GABRR1: variants seen among roughly 807,000 people sequenced by gnomAD.
GABRR1 encodes gamma-aminobutyric acid type A receptor subunit rho1.
Under a neutral mutation model 55.5 loss-of-function variants are expected in GABRR1, and 59 were observed. That is an observed-to-expected ratio of 1.06 (90% CI 0.86 to 1.32). The LOEUF is 1.32. GABRR1 is among the 40% of genes most tolerant of loss of function. The probability of loss-of-function intolerance (pLI) is 0.00; values close to 1 mark genes in which losing one functional copy is unlikely to be tolerated. For synonymous variants in GABRR1, 213 were observed against 226.0 expected (o/e 0.94, Z 0.51); for missense variants, 602 against 619.1 (o/e 0.97, Z 0.29).
At chr6:89,196,040 T>C (rs1259039562) in intron 5 of GABRR1, among the ~76,000 whole-genome samples, 1 of 152,250 alleles carries the variant, frequency 6.6e-6, no homozygotes, top group Non-Finnish European at 1.5e-5. Context: ...TTGAAAGCTA[T>C]CATCCAATTC....
At chr6:89,211,171 C>G (rs988732278) in intron 1 of GABRR1, among the ~76,000 whole-genome samples, 1 of 152,002 alleles carries the variant, frequency 6.6e-6, no homozygotes, top group Non-Finnish European at 1.5e-5. Flanking sequence ...AGCAGAGGGA[C>G]AAGATGAAGA....
chr6:89,195,920 T>C (rs908375859), intron 5 of GABRR1, among the ~76,000 whole-genome samples: 1 of 152,196 alleles, frequency 6.6e-6, no homozygotes, highest in Non-Finnish European at 1.5e-5. Context: ...GGGCTTGATT[T>C]ATTGTTTTGT....
chr6:89,203,459 T>C lies in GABRR1; in HGVS notation c.149A>G (p.His50Arg), dbSNP rs1772544348. 3 of 1,613,624 alleles carry C rather than the reference T, an allele frequency of 1.9e-6. No homozygotes were observed. The highest frequency in any genetic ancestry group is 1.1e-5 in the South Asian group (1 of 91,072). Residue 50 changes from histidine to arginine, a missense_variant, in exon 2 of 10, where the codon CAT becomes CGT. His to Arg is a conservative substitution (Grantham distance 29). Transcript: ENST00000454853. Reference protein sequence around the residue: ...GRPQRQRREVHEDAHKQVSPI... With the variant: ...GRPQRQRREVREDAHKQVSPI... ...CCTGACTTGCTTGTGGGCATCTTCA[T>C]GTACTTCTCGTCTTTGTCTTTGGGG...
chr6:89,222,088 A>C (rs990935206), upstream of GABRR1, among the ~76,000 whole-genome samples: 13 of 152,162 alleles, frequency 8.5e-5, no homozygotes, highest in Non-Finnish European at 1.8e-4. Context: ...AGACATGAAA[A>C]GCAAGCAATT....
chr6:89,227,136 A>C lies in GABRR1; in HGVS notation c.-411+4080T>G, dbSNP rs929750963. ...ATTTTGTATCCTGAGACTTTGCTGA[A>C]GTTGCTTATCAGCTTAAGGAGGTTT... On this transcript the variant is annotated intron_variant, in intron 1 of 11. Coordinates refer to the GABRR1 transcript ENST00000369451. 5.3e-5 allele frequency among the ~76,000 whole-genome samples: 6 copies of C among 112,976 alleles called. No homozygotes were observed. In the South Asian group the frequency reaches 1.3e-3, roughly 24 times the overall value. The allele number at this position is 112,976 out of a possible 152,430, so 74.1% of individuals were successfully genotyped here. A position where few individuals can be genotyped will look rare whatever the true frequency, so the allele number is the denominator to read the frequency against.
intron 5 of GABRR1, 23 bp from the exon 6 acceptor site, chr6:89,190,270 G>A (rs758656915): frequency 1.3e-6 from 2 of 1,564,144 alleles, no homozygotes. Flanking sequence ...AGACAAAATT[G>A]ATTTATTCAG....
At chr6:89,217,516 T>G (rs1474345418), upstream of GABRR1, 6 of 502,942 alleles carry the variant, frequency 1.2e-5, no homozygotes, top group Non-Finnish European at 3.4e-6. Flanking sequence ...TCCTCCTACG[T>G]CAGATGTCAG....
chr6:89,189,378 G>A (rs888887705), intron 6 of GABRR1, among the ~76,000 whole-genome samples: 2 of 146,600 alleles, frequency 1.4e-5, no homozygotes, highest in African/African-American at 5.1e-5. Context: ...GGATGAAACT[G>A]GAAACCATCA....
At chr6:89,181,654 C>T (rs1481859934) in intron 8 of GABRR1, among the ~76,000 whole-genome samples, 1 of 152,104 alleles carries the variant, frequency 6.6e-6, no homozygotes, top group Non-Finnish European at 1.5e-5. Flanking sequence ...GCTCGCCCAC[C>T]CTGGAACACG....
chr6:89,187,083 C>T (rs1329389842), intron 6 of GABRR1, among the ~76,000 whole-genome samples: 2 of 152,144 alleles, frequency 1.3e-5, no homozygotes, highest in African/African-American at 4.8e-5. Context: ...GGGGTGTCCA[C>T]TGTGCTGTGG....
At chr6:89,231,020 G>A (rs552418110) in intron 1 of GABRR1, among the ~76,000 whole-genome samples, 1,935 of 151,940 alleles carry the variant, frequency 0.013, 34 homozygotes, top group African/African-American at 0.042. Flanking sequence ...GGAGTGACCC[G>A]ATTTTCCAGG....
In GABRR1 at chr6:89,198,223, G is replaced by T. The variant is rs764303147; in HGVS notation, c.369C>A (p.Tyr123Ter). The T allele has an allele frequency of 5.0e-6, 8 of 1,613,824 alleles. No individual in the cohort carries two copies. The East Asian group carries it at 1.8e-4, about 36-fold the overall frequency. Residue 123 changes from tyrosine to a stop codon, truncating the protein, a stop_gained, in exon 5 of 10, where the codon TAC becomes TAA. Coordinates refer to ENST00000454853, the MANE Select transcript of GABRR1 (RefSeq NM_002042.5). LOFTEE classifies it high-confidence loss of function. The stretch of plus-strand genomic sequence containing the variant: ...TCTCGTCCTTCCAGTAGTGCCTCAG[G>T]TAGAGGGTCATCGTAAAGTCCTGGG... ...EVDMDFTMTL[Y>*]LRHYWKDERL...
chr6:89,187,716 T>C lies in GABRR1; in HGVS notation c.656-2266A>G, dbSNP rs572291523. 7.2e-5 allele frequency among the ~76,000 whole-genome samples: 11 copies of C among 152,352 alleles called. No homozygotes were observed. In the South Asian group the frequency reaches 2.3e-3, roughly 32 times the overall value. On this transcript the variant is annotated intron_variant, in intron 6 of 9. Coordinates refer to ENST00000454853, the MANE Select transcript of GABRR1 (RefSeq NM_002042.5). ...TAAGTACCTCTTAAAAGTGACATCA[T>C]ACAGTATTTGTCTTTTGCGATTGGC...
At chr6:89,202,974 A>G (rs1449365635) in intron 2 of GABRR1, among the ~76,000 whole-genome samples, 1 of 152,178 alleles carries the variant, frequency 6.6e-6, no homozygotes, top group East Asian at 1.9e-4. Context: ...TAGGCCTCCC[A>G]AAGTGCTGGT....
At chr6:89,189,832 G>A (rs974975345) in intron 6 of GABRR1, among the ~76,000 whole-genome samples, 1 of 152,136 alleles carries the variant, frequency 6.6e-6, no homozygotes, top group Admixed American at 6.5e-5. Flanking sequence ...TGGTCACAAG[G>A]TCAGGCGTTG....
chr6:89,178,843 T>C lies in GABRR1; in HGVS notation c.1367A>G (p.Asp456Gly), dbSNP rs1771619779. ...VSMRIDTHAIDKYSRIIFPAA... is the reference protein window; with the variant it reads ...VSMRIDTHAIGKYSRIIFPAA... ...TGGAAAGATGATCCTGGAGTATTTA[T>C]CAATGGCGTGGGTGTCGATTCTCAT... is the stretch of plus-strand genomic sequence containing the variant. Residue 456 changes from aspartate (D) to glycine (G), a missense_variant, in exon 10 of 10, where the codon GAT (aspartate) becomes GGT (glycine). Coordinates refer to ENST00000454853, the MANE Select transcript of GABRR1 (RefSeq NM_002042.5). 2 of 1,614,184 alleles carry C rather than the reference T, an allele frequency of 1.2e-6. No homozygotes were observed. Among genetic ancestry groups the C allele is most frequent in the Admixed American group, 1.7e-5 (1 of 60,024 alleles).
intron 5 of GABRR1, among the ~76,000 whole-genome samples, chr6:89,196,525 C>T (rs1307233762): frequency 6.6e-6 from 1 of 152,172 alleles, no homozygotes; most frequent in Non-Finnish European, 1.5e-5. Flanking sequence ...AATCCCAGCA[C>T]TTTGGGATGC....
rs757409096 is a variant in GABRR1 at position 89,190,138 on chromosome 6, C to A, written c.655+27G>T. The A allele has an allele frequency of 2.6e-6, 4 of 1,535,170 alleles. No individual in the cohort carries two copies. In the African/African-American group the frequency reaches 4.1e-5, roughly 16 times the overall value. On this transcript the variant is annotated intron_variant, in intron 6 of 9. Transcript: ENST00000454853. The stretch of plus-strand genomic sequence containing the variant: ...GTTGAGAATTATCAGGAGCTGTGTG[C>A]TGATGCCCGGGGACAAGTCTACTCA...
At position 89,179,063 on chromosome 6, in the gene GABRR1, G is replaced by A; in HGVS notation, c.1147C>T (p.Leu383Phe). The A allele has an allele frequency of 6.2e-7, 1 of 1,612,630 alleles. No homozygotes were observed. Among genetic ancestry groups the A allele is most frequent in the Non-Finnish European group, 8.5e-7 (1 of 1,179,680 alleles). The change falls in exon 10 of 10, where the codon CTT becomes TTT. Residue 383 changes from leucine (L) to phenylalanine (F), a missense_variant and splice_region_variant. Around this residue, in one of 3 missense-constraint regions of GABRR1, gnomAD observed 139 missense variants for 141.1 expected, o/e 0.99. Transcript: ENST00000454853. Reference sequence around the variant, plus strand: ...GGAGGTAATCCGCTGGTGCAGGGAAGCTGCAAACAGTAAACACATGTTGGG... The same window carrying A: ...GGAGGTAATCCGCTGGTGCAGGGAAACTGCAAACAGTAAACACATGTTGGG... ...ERKEQKLREKLPCTSGLPPPR... is the reference protein window; with the variant it reads ...ERKEQKLREKFPCTSGLPPPR...
Sources: gnomAD v4.1 joint callset for allele counts (sites outside exome capture counted in the v4.1 genomes callset) on GRCh38, gnomAD v4.1.1 for gene constraint, gnomAD v4.1.1 regional missense constraint, MANE v1.5 for transcripts, NCBI Gene and HGNC (gene_info 2026-07-23, HGNC 2026-07-21) for gene names.